MAP3K13: variants seen among roughly 807,000 people sequenced by gnomAD.
MAP3K13 encodes mitogen-activated protein kinase kinase kinase 13.
MAP3K13 carries 52 observed loss-of-function variants against 104.0 expected under a neutral mutation model. The ratio of observed to expected loss-of-function variants is 0.50; its 90% confidence interval spans 0.40 to 0.63. The LOEUF (loss-of-function observed/expected upper bound fraction) is 0.63, where lower values mean the gene tolerates loss of function less well. Among genes scored for constraint, MAP3K13 ranks in the 20% least tolerant of loss-of-function variants. The pLI is 0.00. For missense variants in MAP3K13, 914 were observed against 1,218.5 expected (o/e 0.75, Z 3.72); for synonymous variants, 394 against 442.2 (o/e 0.89, Z 1.37).
At chr3:185,293,939 CT>C (rs1478903834) in intron 2 of MAP3K13, among the ~76,000 whole-genome samples, 12 of 152,042 alleles carry the variant, frequency 7.9e-5, no homozygotes, top group African/African-American at 2.9e-4. Context: ...AATATCTATT[CT>C]GATAATAGCA....
At chr3:185,421,025 G>A (rs1290292516) in intron 1 of MAP3K13, among the ~76,000 whole-genome samples, 1 of 152,210 alleles carries the variant, frequency 6.6e-6, no homozygotes, top group Non-Finnish European at 1.5e-5. Flanking sequence ...GGTAGGGAAA[G>A]TGTTCCTCAA....
chr3:185,437,742 C>G, intron 3 of MAP3K13, 112 bp downstream of exon 3: 1 of 1,060,398 alleles, frequency 9.4e-7, no homozygotes, highest in Admixed American at 2.4e-5. Flanking sequence ...AGACTTAGCA[C>G]TGTGCTAGGT....
chr3:185,365,466 C>A (rs1227804749), intron 1 of MAP3K13, among the ~76,000 whole-genome samples: 1 of 152,164 alleles, frequency 6.6e-6, no homozygotes, highest in African/African-American at 2.4e-5. Flanking sequence ...ACAGAACAAC[C>A]ATACTTCAGA....
rs1560132934 is a variant in MAP3K13, at chr3:185,473,353, C to A, written c.2022C>A (p.Gly674=). The A allele has an allele frequency of 6.2e-7, 1 of 1,614,220 alleles. No homozygotes were observed. The highest frequency in any genetic ancestry group is 2.2e-5 in the East Asian group (1 of 44,892). ...ATCANNLRYF[G]PAAALRSPLS... is the part of the protein sequence containing the mutation. ...GCGCCAACAACCTGAGGTATTTCGG[C>A]CCAGCAGCAGCCCTGCGGAGCCCAC... Residue 674 remains glycine, a synonymous_variant, in exon 11 of 14, where the codon GGC becomes GGA. Transcript: ENST00000265026. This position sits in a 1 kb window ranked among gnomAD's most constrained non-coding sequence, Gnocchi z 4.9.
At chr3:185,472,035 T>C (rs185202412) in intron 10 of MAP3K13, among the ~76,000 whole-genome samples, 3 of 152,230 alleles carry the variant, frequency 2.0e-5, no homozygotes, top group Non-Finnish European at 4.4e-5. Flanking sequence ...TCTATTAGAA[T>C]TGTGTAAGCT....
chr3:185,353,978 T>C (rs1577455519), intron 2 of MAP3K13, among the ~76,000 whole-genome samples: 1 of 152,052 alleles, frequency 6.6e-6, no homozygotes, highest in South Asian at 2.1e-4. Context: ...CAGTGCAGAC[T>C]GGGACTAGTA....
chr3:185,400,907 T>TTG (rs1553799247), intron 1 of MAP3K13, among the ~76,000 whole-genome samples: 2 of 18,952 alleles, frequency 1.1e-4, no homozygotes, highest in South Asian at 1.1e-3. Flanking sequence ...GTTTGTTTGT[T>TTG]TTTTTTTTTT....
intron 1 of MAP3K13, among the ~76,000 whole-genome samples, chr3:185,377,391 A>G (rs917065330): frequency 6.6e-6 from 1 of 152,078 alleles, no homozygotes; most frequent in Non-Finnish European, 1.5e-5. Flanking sequence ...CTTGTGGTTT[A>G]AGGTGGGGAG....
chr3:185,352,886 G>A (rs1022273025), intron 2 of MAP3K13, among the ~76,000 whole-genome samples: 3 of 152,200 alleles, frequency 2.0e-5, no homozygotes, highest in African/African-American at 7.2e-5. Context: ...TGAAGTAAAA[G>A]TTTAAAAATA....
chr3:185,321,080 G>C (rs946775732), intron 2 of MAP3K13, among the ~76,000 whole-genome samples: 13 of 151,052 alleles, frequency 8.6e-5, no homozygotes, highest in African/African-American at 2.4e-5. Context: ...ACATATGCGT[G>C]CACACATATA....
intron 2 of MAP3K13, among the ~76,000 whole-genome samples, chr3:185,429,736 GTAA>G (rs1329938670): frequency 2.6e-5 from 4 of 152,204 alleles, no homozygotes; most frequent in African/African-American, 9.7e-5. Flanking sequence ...AAGCCACATG[GTAA>G]TGCCCCTGAA....
intron 2 of MAP3K13, among the ~76,000 whole-genome samples, chr3:185,296,721 G>A (rs1291159229): frequency 6.6e-6 from 1 of 152,176 alleles, no homozygotes; most frequent in South Asian, 2.1e-4. Context: ...TTTATTAGTT[G>A]AGTGAATTTA....
intron 2 of MAP3K13, among the ~76,000 whole-genome samples, chr3:185,354,958 C>T (rs1560062038): frequency 6.6e-6 from 1 of 152,068 alleles, no homozygotes; most frequent in Admixed American, 6.6e-5. Flanking sequence ...CAATAGATAA[C>T]AGAGTTTAGA....
At chr3:185,300,351 T>C (rs1459061256) in intron 2 of MAP3K13, among the ~76,000 whole-genome samples, 1 of 151,502 alleles carries the variant, frequency 6.6e-6, no homozygotes, top group Admixed American at 6.6e-5. Context: ...CACGCCCAGC[T>C]AAGTTTTTGT....
chr3:185,475,419 A>G (rs569532741), intron 11 of MAP3K13, among the ~76,000 whole-genome samples: 57 of 152,362 alleles, frequency 3.7e-4, no homozygotes, highest in Non-Finnish European at 6.3e-4. Flanking sequence ...GAAAGGGTAT[A>G]AAATGTAATG....
At chr3:185,424,514 C>T (rs538715226) in intron 1 of MAP3K13, among the ~76,000 whole-genome samples, 1 of 152,164 alleles carries the variant, frequency 6.6e-6, no homozygotes, top group African/African-American at 2.4e-5. Context: ...GGTGCTGGAG[C>T]TGGCTTATAC....
intron 1 of MAP3K13, among the ~76,000 whole-genome samples, chr3:185,381,852 C>T (rs564716442): frequency 6.6e-6 from 1 of 152,180 alleles, no homozygotes; most frequent in Non-Finnish European, 1.5e-5. Context: ...AGTTGACAAG[C>T]ATGTTGTGAC....
intron 2 of MAP3K13, among the ~76,000 whole-genome samples, chr3:185,347,790 C>G (rs1722986694): frequency 6.6e-6 from 1 of 152,006 alleles, no homozygotes; most frequent in Admixed American, 6.5e-5. Context: ...GGGTGGATCA[C>G]CTGAGGTCAG....
At chr3:185,403,546 A>T (rs186652404) in intron 1 of MAP3K13, among the ~76,000 whole-genome samples, 1 of 152,318 alleles carries the variant, frequency 6.6e-6, no homozygotes, top group African/African-American at 2.4e-5. Context: ...TGGATATGCT[A>T]ATTAACTTGA....
Sources: allele counts gnomAD v4.1 joint callset (sites outside exome capture counted in the v4.1 genomes callset), GRCh38; gene constraint gnomAD v4.1.1; non-coding constraint Gnocchi (gnomAD v3.1); transcripts MANE v1.5; gene names NCBI Gene and HGNC (gene_info 2026-07-23, HGNC 2026-07-21).